CAST: variants seen among roughly 807,000 people sequenced by gnomAD.
CAST encodes the protein MIR583 host.
CAST carries 76 observed loss-of-function variants against 119.6 expected under a neutral mutation model. That is an observed-to-expected ratio of 0.64 (90% CI 0.53 to 0.77). CAST has a LOEUF of 0.77. Ranked by LOEUF, CAST falls within the 30% of genes least tolerant of loss-of-function variation. CAST has a pLI of 0.00. For synonymous variants in CAST, 319 were observed against 331.6 expected, an observed-to-expected ratio of 0.96 and a Z score of 0.41; for missense variants, 953 against 946.5, an observed-to-expected ratio of 1.01 and a Z score of -0.09.
the CAST span, among the ~76,000 whole-genome samples, chr5:96,336,315 T>C: frequency 2.0e-5 from 3 of 152,220 alleles, no homozygotes; most frequent in African/African-American, 7.2e-5. Context: ...GTTAGTATTA[T>C]AAGGGAAGTT....
the CAST span, among the ~76,000 whole-genome samples, chr5:96,123,192 TATA>T: frequency 6.6e-6 from 1 of 152,180 alleles, no homozygotes; most frequent in South Asian, 2.1e-4. Context: ...GTATTAGGCT[TATA>T]ATAATAGTTT....
chr5:96,699,944 A>G (rs1753692375), intron 3 of CAST, among the ~76,000 whole-genome samples: 1 of 152,234 alleles, frequency 6.6e-6, no homozygotes, highest in African/African-American at 2.4e-5. Flanking sequence ...CTCCCAGCCT[A>G]GACAGGAGGA....
At chr5:96,733,491 G>T (rs1761000154) in intron 9 of CAST, among the ~76,000 whole-genome samples, 1 of 152,182 alleles carries the variant, frequency 6.6e-6, no homozygotes, top group Non-Finnish European at 1.5e-5. Flanking sequence ...AATAAAATTA[G>T]GAGAGGCTTA....
At chr5:96,678,130 GCCATCT>G (rs1002993177) in intron 2 of CAST, among the ~76,000 whole-genome samples, 7 of 152,074 alleles carry the variant, frequency 4.6e-5, no homozygotes, top group Non-Finnish European at 1.0e-4. Flanking sequence ...ATAGTTTGTT[GCCATCT>G]CCTTTTCTTC....
At chr5:96,136,248 ATTTAT>A in the CAST span, among the ~76,000 whole-genome samples, 1 of 152,060 alleles carries the variant, frequency 6.6e-6, no homozygotes, top group Admixed American at 6.5e-5. Context: ...ATATTATGTT[ATTTAT>A]TTTAGTGTTC....
At chr5:96,548,876 A>C (rs1746067959) in intron 1 of CAST, among the ~76,000 whole-genome samples, 2 of 152,248 alleles carry the variant, frequency 1.3e-5, no homozygotes, top group African/African-American at 2.4e-5. Context: ...AGTTTTCCCC[A>C]GACCAGAGTT....
the CAST span, among the ~76,000 whole-genome samples, chr5:96,413,960 A>C: frequency 7.1e-6 from 1 of 139,906 alleles, no homozygotes; most frequent in Non-Finnish European, 1.5e-5. Flanking sequence ...TCCACTAAAA[A>C]TACAAAAAAA....
At chr5:96,759,383 A>T (rs1378141018) in intron 24 of CAST, among the ~76,000 whole-genome samples, 2 of 152,186 alleles carry the variant, frequency 1.3e-5, no homozygotes, top group Non-Finnish European at 2.9e-5. Flanking sequence ...GATCACATTG[A>T]TAATAGACTA....
the CAST span, among the ~76,000 whole-genome samples, chr5:96,427,608 C>T: frequency 4.6e-5 from 7 of 152,106 alleles, no homozygotes; most frequent in Non-Finnish European, 1.0e-4. Flanking sequence ...CCCACCAAAT[C>T]AGCTATCAAG....
chr5:96,646,373 G>A (rs1748014338), intron 1 of CAST, among the ~76,000 whole-genome samples: 1 of 152,152 alleles, frequency 6.6e-6, no homozygotes, highest in African/African-American at 2.4e-5. Context: ...CCAGCTAAGT[G>A]GCTACCACCA....
At chr5:96,463,778 C>T in the CAST span, among the ~76,000 whole-genome samples, 5 of 152,012 alleles carry the variant, frequency 3.3e-5, no homozygotes, top group Non-Finnish European at 5.9e-5. Context: ...TTCTTCTCTG[C>T]CTTCCCTACC....
chr5:96,271,862 G>C, the CAST span, among the ~76,000 whole-genome samples: 2 of 152,082 alleles, frequency 1.3e-5, no homozygotes, highest in Non-Finnish European at 2.9e-5. Flanking sequence ...CTACCCATCT[G>C]ACAAAGGATT....
At chr5:96,426,188 C>T in the CAST span, among the ~76,000 whole-genome samples, 7 of 152,108 alleles carry the variant, frequency 4.6e-5, no homozygotes, top group Non-Finnish European at 7.4e-5. Context: ...AAATTATTTA[C>T]ATTGTGGTTA....
At chr5:96,571,544 A>G (rs754748446) in intron 1 of CAST, among the ~76,000 whole-genome samples, 3 of 152,202 alleles carry the variant, frequency 2.0e-5, no homozygotes, top group Non-Finnish European at 2.9e-5. Flanking sequence ...TCATAGTTAC[A>G]CAGTTAACTG....
the CAST span, among the ~76,000 whole-genome samples, chr5:96,485,793 G>A: frequency 6.6e-6 from 1 of 152,100 alleles, no homozygotes; most frequent in African/African-American, 2.4e-5. Flanking sequence ...CCAGTCAAAA[G>A]TTTTTCTTTC....
chr5:96,075,748 C>G, the CAST span, among the ~76,000 whole-genome samples: 1 of 152,214 alleles, frequency 6.6e-6, no homozygotes. Context: ...TTTAAGCTTA[C>G]TGCCAGATTG....
the CAST span, among the ~76,000 whole-genome samples, chr5:96,440,790 C>T: frequency 2.0e-5 from 3 of 152,188 alleles, no homozygotes; most frequent in Non-Finnish European, 4.4e-5. Context: ...CATCTACTTT[C>T]CTAGTGCTCT....
chr5:96,103,481 G>A, the CAST span, among the ~76,000 whole-genome samples: 2 of 150,796 alleles, frequency 1.3e-5, no homozygotes, highest in Non-Finnish European at 3.0e-5. Context: ...ATAGTTTACT[G>A]AGAATGATGA....
At chr5:96,307,706 T>A in the CAST span, among the ~76,000 whole-genome samples, 1 of 152,222 alleles carries the variant, frequency 6.6e-6, no homozygotes, top group African/African-American at 2.4e-5. Context: ...CTCCTTCACT[T>A]ATGAAGCTTG....
Sources: allele counts gnomAD v4.1 joint callset (sites outside exome capture counted in the v4.1 genomes callset), GRCh38; gene constraint gnomAD v4.1.1; transcripts MANE v1.5; gene names NCBI Gene and HGNC (gene_info 2026-07-23, HGNC 2026-07-21).